Variants in LPP observed in about 807,000 individuals in gnomAD.
The protein encoded by LPP is LIM domain containing preferred translocation partner in lipoma.
In LPP, 38 loss-of-function variants were observed where a neutral mutation model predicts 60.4. That is an observed-to-expected ratio of 0.63 (90% CI 0.49 to 0.83). LPP has a LOEUF of 0.83. Ranked by LOEUF, LPP falls within the 40% of genes least tolerant of loss-of-function variation. The pLI is 0.00. For missense variants in LPP, 902 were observed against 783.6 expected, an observed-to-expected ratio of 1.15 and a Z score of -1.80; for synonymous variants, 328 against 290.8, an observed-to-expected ratio of 1.13 and a Z score of -1.30.
At chr3:188,479,268 T>C (rs995801854) in intron 4 of LPP, among the ~76,000 whole-genome samples, 1 of 152,110 alleles carries the variant, frequency 6.6e-6, no homozygotes, top group Non-Finnish European at 1.5e-5. Flanking sequence ...CAACCAAAAA[T>C]TCTCCCCTCA....
At chr3:188,823,751 A>C (rs1305232569) in intron 9 of LPP, among the ~76,000 whole-genome samples, 1 of 152,132 alleles carries the variant, frequency 6.6e-6, no homozygotes, top group Non-Finnish European at 1.5e-5. Context: ...AGGTTTTTGC[A>C]TAATTTGTAT....
chr3:188,538,456 T>C (rs370873453), intron 6 of LPP, among the ~76,000 whole-genome samples: 1 of 152,186 alleles, frequency 6.6e-6, no homozygotes. Context: ...GACATATTTA[T>C]TGATCAAGGA....
chr3:188,245,045 A>G (rs1726381248), intron 2 of LPP, among the ~76,000 whole-genome samples: 1 of 151,896 alleles, frequency 6.6e-6, no homozygotes. Flanking sequence ...TCTTCTTTGC[A>G]CTCATCATTC....
chr3:188,212,573 G>C (rs1711650211), intron 1 of LPP: 1 of 152,222 alleles, frequency 6.6e-6, no homozygotes, highest in African/African-American at 2.4e-5. Flanking sequence ...TATTGGAAGA[G>C]AGGGAGGTGA....
At chr3:188,777,943 C>T (rs1403458970) in intron 9 of LPP, among the ~76,000 whole-genome samples, 2 of 152,166 alleles carry the variant, frequency 1.3e-5, no homozygotes, top group African/African-American at 2.4e-5. Context: ...TACTCAACTA[C>T]GATTTGCAAT....
intron 4 of LPP, among the ~76,000 whole-genome samples, chr3:188,466,379 G>A (rs1423074720): frequency 6.6e-6 from 1 of 152,038 alleles, no homozygotes; most frequent in East Asian, 1.9e-4. Flanking sequence ...GGAAGCCTTA[G>A]TCTCTTATTG....
intron 9 of LPP, among the ~76,000 whole-genome samples, chr3:188,856,455 T>C (rs1427179944): frequency 6.6e-6 from 1 of 152,224 alleles, no homozygotes; most frequent in Non-Finnish European, 1.5e-5. Context: ...AGTCAGAGGC[T>C]GTTGAACCAA....
At chr3:188,477,472 T>G (rs746987104) in intron 4 of LPP, among the ~76,000 whole-genome samples, 1 of 152,206 alleles carries the variant, frequency 6.6e-6, no homozygotes, top group Non-Finnish European at 1.5e-5. Flanking sequence ...TGCTTTCATA[T>G]TGTTAGTTCC....
rs1399655808 is a variant in LPP at position 188,777,081 on chromosome 3, A to T, written c.1410+16799A>T. 2.0e-5 allele frequency among the ~76,000 whole-genome samples: 3 copies of T among 152,330 alleles called. No homozygotes were observed. In the East Asian group the frequency reaches 5.8e-4, roughly 29 times the overall value. ...ACATCCTTTAGCATTTACCACCTGT[A>T]CCAATCATTTAGCATAATAATACCT... On this transcript the variant is annotated intron_variant, in intron 9 of 11. Coordinates refer to ENST00000617246, the MANE Select transcript of LPP (RefSeq NM_001375462.1).
At chr3:188,613,147 A>G (rs1276490339) in intron 7 of LPP, among the ~76,000 whole-genome samples, 2 of 150,764 alleles carry the variant, frequency 1.3e-5, no homozygotes, top group East Asian at 3.9e-4. Flanking sequence ...AATCCTCTTA[A>G]AGATGCAGTG....
At chr3:188,341,192 G>T (rs1247846747) in intron 2 of LPP, among the ~76,000 whole-genome samples, 4 of 152,118 alleles carry the variant, frequency 2.6e-5, no homozygotes, top group African/African-American at 7.2e-5. Context: ...ATGAGTTGCT[G>T]TTTGTCTTTG....
At chr3:188,817,905 C>G (rs146089126) in intron 9 of LPP, among the ~76,000 whole-genome samples, 1 of 152,324 alleles carries the variant, frequency 6.6e-6, no homozygotes, top group African/African-American at 2.4e-5. Flanking sequence ...TGTTCTTCCA[C>G]ACGATTATTA....
At chr3:188,174,511 G>A (rs540790540) in intron 1 of LPP, among the ~76,000 whole-genome samples, 1 of 152,344 alleles carries the variant, frequency 6.6e-6, no homozygotes, top group South Asian at 2.1e-4. Flanking sequence ...GGCAGCAGGT[G>A]CACAGTTCTG....
chr3:188,476,441 C>T (rs1354176140), intron 4 of LPP, among the ~76,000 whole-genome samples: 1 of 151,968 alleles, frequency 6.6e-6, no homozygotes, highest in East Asian at 1.9e-4. Flanking sequence ...TGCTCCTCTG[C>T]ATGTTAAGTT....
At chr3:188,673,892 G>T (rs73196730) in intron 7 of LPP, among the ~76,000 whole-genome samples, 1 of 137,872 alleles carries the variant, frequency 7.3e-6, no homozygotes, top group Non-Finnish European at 1.6e-5. Context: ...TTTCTTTTTT[G>T]TTTTTTTTTT....
intron 7 of LPP, among the ~76,000 whole-genome samples, chr3:188,678,416 A>G (rs1405435914): frequency 6.6e-6 from 1 of 152,222 alleles, no homozygotes; most frequent in Non-Finnish European, 1.5e-5. Flanking sequence ...GGAGCAATCA[A>G]TTCTACTGTA....
At chr3:188,827,662 TAGA>T (rs1445964629) in intron 9 of LPP, among the ~76,000 whole-genome samples, 3 of 151,694 alleles carry the variant, frequency 2.0e-5, no homozygotes, top group African/African-American at 4.8e-5. Context: ...GCCCCATCAG[TAGA>T]AGGAGATGAA....
chr3:188,734,864 C>T (rs1332770892), intron 8 of LPP, among the ~76,000 whole-genome samples: 4 of 152,186 alleles, frequency 2.6e-5, no homozygotes, highest in Non-Finnish European at 2.9e-5. Context: ...AGCATATGGT[C>T]AAGAGCCTGA....
At chr3:188,616,578 C>T (rs567471949) in intron 7 of LPP, among the ~76,000 whole-genome samples, 1,123 of 56,536 alleles carry the variant, frequency 0.02, 13 homozygotes, top group African/African-American at 0.06. Flanking sequence ...GGCTCTTTTT[C>T]ATTTCTATGG....
Sources: allele counts gnomAD v4.1 joint callset (sites outside exome capture counted in the v4.1 genomes callset), GRCh38; gene constraint gnomAD v4.1.1; transcripts MANE v1.5; gene names NCBI Gene and HGNC (gene_info 2026-07-23, HGNC 2026-07-21).